Variants in PDE4D observed in about 807,000 individuals in gnomAD.
The protein encoded by PDE4D is 3',5'-cyclic-AMP phosphodiesterase 4D.
Under a neutral mutation model 87.4 loss-of-function variants are expected in PDE4D, and 24 were observed. The ratio of observed to expected loss-of-function variants is 0.27; its 90% CI spans 0.20 to 0.39. The LOEUF is 0.39. Among genes scored for constraint, PDE4D ranks in the 10% least tolerant of loss-of-function variants. The probability of loss-of-function intolerance (pLI) is 1.00; values close to 1 mark genes in which losing one functional copy is unlikely to be tolerated. For missense variants in PDE4D, 714 were observed against 1,041.0 expected (o/e 0.69, Z 4.32); for synonymous variants, 384 against 383.2 (o/e 1.00, Z -0.02).
intron 1 of PDE4D, among the ~76,000 whole-genome samples, chr5:59,484,954 A>T (rs1804861440): frequency 6.6e-6 from 1 of 152,156 alleles, no homozygotes; most frequent in Non-Finnish European, 1.5e-5. Flanking sequence ...CAAGCTAATA[A>T]ACCAATTAGT....
chr5:59,769,589 G>GA (rs1239533044), intron 1 of PDE4D, among the ~76,000 whole-genome samples: 1 of 152,040 alleles, frequency 6.6e-6, no homozygotes, highest in African/African-American at 2.4e-5. Flanking sequence ...TTTGCAATTG[G>GA]AAAAAAAGTA....
intron 3 of PDE4D, among the ~76,000 whole-genome samples, chr5:59,914,866 G>GGTGTGTGTGTGTGTGTGTGT (rs3062699): frequency 6.8e-4 from 83 of 122,600 alleles, no homozygotes; most frequent in Non-Finnish European, 1.0e-3. Context: ...TACTGATAGG[G>GGTGTGTGTGTGTGTGTGTGT]GTGTGTGTGT....
chr5:60,360,478 A>T (rs1040899112), intron 1 of PDE4D, among the ~76,000 whole-genome samples: 1 of 152,246 alleles, frequency 6.6e-6, no homozygotes, highest in African/African-American at 2.4e-5. Context: ...CTTTTCACAC[A>T]GCAATGGCAG....
intron 1 of PDE4D, among the ~76,000 whole-genome samples, chr5:59,627,810 T>C (rs1314327576): frequency 6.6e-6 from 1 of 152,212 alleles, no homozygotes; most frequent in Non-Finnish European, 1.5e-5. Flanking sequence ...TGCTTATCCC[T>C]AAGGCAGAGG....
chr5:59,887,007 G>A (rs1301590263), intron 1 of PDE4D, among the ~76,000 whole-genome samples: 1 of 151,962 alleles, frequency 6.6e-6, no homozygotes, highest in Non-Finnish European at 1.5e-5. Context: ...GTGAATAGAG[G>A]ATAAGTGCTG....
intron 3 of PDE4D, among the ~76,000 whole-genome samples, chr5:59,190,806 G>T (rs191336168): frequency 6.6e-6 from 1 of 152,178 alleles, no homozygotes; most frequent in Admixed American, 6.5e-5. Context: ...GCTCTATGAA[G>T]AGTGGTGAAA....
intron 2 of PDE4D, among the ~76,000 whole-genome samples, chr5:60,024,895 A>G: frequency 8.9e-6 from 1 of 111,982 alleles, no homozygotes; most frequent in East Asian, 6.2e-4. Flanking sequence ...ACAAACAAGC[A>G]GAGAAAAAAA....
chr5:60,260,767 C>G (rs1297695870), intron 1 of PDE4D, among the ~76,000 whole-genome samples: 3 of 152,030 alleles, frequency 2.0e-5, no homozygotes, highest in Non-Finnish European at 4.4e-5. Context: ...CTCTGAAAAC[C>G]CTCTAATTTC....
chr5:59,762,893 A>ATATATATATC (rs70975330), intron 1 of PDE4D, among the ~76,000 whole-genome samples: 7 of 105,904 alleles, frequency 6.6e-5, no homozygotes. Flanking sequence ...ATATATATAT[A>ATATATATATC]GCTTGCTCTT....
chr5:59,353,958 A>G (rs1780939852), intron 1 of PDE4D, among the ~76,000 whole-genome samples: 1 of 152,190 alleles, frequency 6.6e-6, no homozygotes, highest in African/African-American at 2.4e-5. Context: ...ATGATTTGCT[A>G]TTACTTTAAC....
chr5:59,351,398 C>T (rs1287915829), intron 1 of PDE4D, among the ~76,000 whole-genome samples: 1 of 152,070 alleles, frequency 6.6e-6, no homozygotes, highest in Non-Finnish European at 1.5e-5. Context: ...GTCAATTTAG[C>T]CAACATTACT....
chr5:59,767,780 C>T (rs995177712), intron 1 of PDE4D, among the ~76,000 whole-genome samples: 2 of 152,142 alleles, frequency 1.3e-5, no homozygotes, highest in Non-Finnish European at 2.9e-5. Flanking sequence ...TGAAGACACA[C>T]CACCATTACA....
chr5:58,981,595 T>C (rs1462347559), intron 11 of PDE4D, among the ~76,000 whole-genome samples: 1 of 152,068 alleles, frequency 6.6e-6, no homozygotes, highest in Non-Finnish European at 1.5e-5. Flanking sequence ...AATGCATTCA[T>C]AAGAAAATAC....
chr5:60,484,859 A>G (rs1749013210), intron 1 of PDE4D, among the ~76,000 whole-genome samples: 1 of 152,180 alleles, frequency 6.6e-6, no homozygotes, highest in Non-Finnish European at 1.5e-5. Context: ...ACACATTACA[A>G]TGTTCTTTTG....
chr5:60,412,824 C>T (rs1742153318), intron 1 of PDE4D, among the ~76,000 whole-genome samples: 1 of 152,046 alleles, frequency 6.6e-6, no homozygotes, highest in Non-Finnish European at 1.5e-5. Context: ...TTTTATTTGC[C>T]AAAGCCTATA....
intron 1 of PDE4D, among the ~76,000 whole-genome samples, chr5:59,272,503 A>G (rs1764009316): frequency 6.6e-6 from 1 of 152,054 alleles, no homozygotes; most frequent in Admixed American, 6.6e-5. Context: ...GAAAATATAT[A>G]AAGTTTTTCT....
At chr5:59,088,353 G>T (rs1410694500) in intron 5 of PDE4D, among the ~76,000 whole-genome samples, 1 of 152,110 alleles carries the variant, frequency 6.6e-6, no homozygotes, top group Admixed American at 6.6e-5. Flanking sequence ...CTGTTGATGG[G>T]AGTGTAAATT....
chr5:60,370,605 C>T (rs373748004), intron 1 of PDE4D, among the ~76,000 whole-genome samples: 4 of 152,254 alleles, frequency 2.6e-5, no homozygotes, highest in African/African-American at 9.6e-5. Flanking sequence ...AGCTGGTCAG[C>T]CACGCTATTT....
chr5:60,012,044 T>C (rs1418115633), intron 2 of PDE4D, among the ~76,000 whole-genome samples: 1 of 152,006 alleles, frequency 6.6e-6, no homozygotes, highest in Non-Finnish European at 1.5e-5. Context: ...CTCATATAAA[T>C]TGGACTATAG....
Sources: allele counts gnomAD v4.1 joint callset (sites outside exome capture counted in the v4.1 genomes callset), GRCh38; gene constraint gnomAD v4.1.1; transcripts MANE v1.5; gene names NCBI Gene and HGNC (gene_info 2026-07-23, HGNC 2026-07-21).